Variants in ITPKB observed in about 807,000 individuals in gnomAD.
ITPKB encodes IP3 3-kinase B.
Under a neutral mutation model 69.4 loss-of-function variants are expected in ITPKB, and 13 were observed. The observed-to-expected ratio is 0.19, with a 90% CI of 0.12 to 0.30. The LOEUF (loss-of-function observed/expected upper bound fraction) is 0.30, where lower values mean the gene tolerates loss of function less well. Among genes scored for constraint, ITPKB ranks in the 10% least tolerant of loss-of-function variants. The probability of loss-of-function intolerance (pLI) is 1.00; values close to 1 mark genes in which losing one functional copy is unlikely to be tolerated. For missense variants in ITPKB, 1,240 were observed against 1,250.5 expected, an observed-to-expected ratio of 0.99 and a Z score of 0.13; for synonymous variants, 584 against 513.7, an observed-to-expected ratio of 1.14 and a Z score of -1.85.
At chr1:226,645,410 G>C (rs1026277617) in intron 4 of ITPKB, among the ~76,000 whole-genome samples, 12 of 152,222 alleles carry the variant, frequency 7.9e-5, no homozygotes, top group African/African-American at 2.9e-4. Context: ...GCGGCTGGGT[G>C]GGGGCAGCCC....
chr1:226,649,222 G>A lies in ITPKB; in HGVS notation c.1933-451C>T, dbSNP rs115733543. Among the ~76,000 whole-genome samples, 1,176 of 151,482 alleles carry A rather than the reference G, an allele frequency of 7.8e-3. 13 individuals are homozygous for A. Among genetic ancestry groups the A allele is most frequent in the African/African-American group, 0.027 (1,113 of 41,348 alleles). ...AGCCCACAGCTCTCTCCTCTGCACC[G>A]CGCTCCGCCCTCTCAGGATGTTTCT... On this transcript the variant is annotated intron_variant, in intron 2 of 7. Transcript: ENST00000429204.
rs1384289863 is a variant in ITPKB at position 226,645,127 on chromosome 1, C to G, written c.2246+2040G>C. Among the ~76,000 whole-genome samples the G allele has an allele frequency of 2.0e-5, 3 of 152,324 alleles. No individual in the cohort carries two copies. The East Asian group carries it at 5.8e-4, about 29-fold the overall frequency. ...GCTTACACTGGAACATGACCCATCT[C>G]CCAGAATGGCGGTGAGAACGCAATG... On this transcript the variant is annotated intron_variant, in intron 4 of 7. Transcript: ENST00000429204.
intron 2 of ITPKB, among the ~76,000 whole-genome samples, chr1:226,668,053 T>G (rs933953704): frequency 6.6e-6 from 1 of 152,138 alleles, no homozygotes; most frequent in African/African-American, 2.4e-5. Flanking sequence ...AAATTGTCTG[T>G]AAGGAATTTA....
chr1:226,664,522 C>A (rs1034749440), intron 2 of ITPKB, among the ~76,000 whole-genome samples: 1 of 152,238 alleles, frequency 6.6e-6, no homozygotes. Context: ...CAGACTCTCA[C>A]AATGACCACG....
At chr1:226,635,026 A>G in intron 7 of ITPKB, 140 bp from the exon 8 acceptor site, 1 of 651,680 alleles carries the variant, frequency 1.5e-6, no homozygotes, top group East Asian at 2.8e-5. Flanking sequence ...CCCCATTTTC[A>G]GACAGGCAGC....
At position 226,735,590 on chromosome 1, in the gene ITPKB, A is replaced by C. The variant is rs768009940; in HGVS notation, c.1869T>G (p.Pro623=). ...EDSEEDISSD[P]ERTLDPNSAF... ...CTGAGTTGGGGTCCAGGGTGCGCTC[A>C]GGGTCACTGGAGATGTCCTCCTCTG... is the stretch of plus-strand genomic sequence containing the variant. Residue 623 remains proline (P), a synonymous_variant, in exon 2 of 8, where the codon CCT becomes CCG. Transcript: ENST00000429204. 6.3e-7 allele frequency: 1 copy of C among 1,592,194 alleles called. No homozygotes were observed. Among genetic ancestry groups the C allele is most frequent in the Non-Finnish European group, 8.6e-7 (1 of 1,169,462 alleles).
At chr1:226,636,648 G>T (rs147287576) in intron 7 of ITPKB, among the ~76,000 whole-genome samples, 2 of 152,144 alleles carry the variant, frequency 1.3e-5, no homozygotes, top group African/African-American at 2.4e-5. Flanking sequence ...GAGTCCCTAC[G>T]AGAGGGGCTG....
chr1:226,686,912 G>C (rs535047355), intron 2 of ITPKB, among the ~76,000 whole-genome samples: 84 of 152,336 alleles, frequency 5.5e-4, no homozygotes, highest in African/African-American at 1.9e-3. Context: ...CGTGCAGGGA[G>C]AGTGAGTTAT....
At chr1:226,683,686 G>A (rs539312265) in intron 2 of ITPKB, among the ~76,000 whole-genome samples, 109 of 152,172 alleles carry the variant, frequency 7.2e-4, no homozygotes, top group African/African-American at 2.6e-3. Flanking sequence ...CCGACTTGAT[G>A]CTCCATTCTA....
chr1:226,692,404 G>T (rs536286094), intron 2 of ITPKB, among the ~76,000 whole-genome samples: 1 of 152,136 alleles, frequency 6.6e-6, no homozygotes, highest in Non-Finnish European at 1.5e-5. Context: ...ATGAAATGGC[G>T]GGAAGACATT....
Position 226,735,930 on chromosome 1 carries a change from T to A in ITPKB, c.1529A>T (p.Gln510Leu). Residue 510 changes from glutamine to leucine, a missense_variant, in exon 2 of 8, where the codon CAG (glutamine) becomes CTG (leucine). Around this residue, in one of 2 missense-constraint regions of ITPKB, gnomAD observed 992 missense variants for 853.8 expected, o/e 1.16. Transcript: ENST00000429204. ...GVQPGNSRVW[Q>L]GTMEKAGLAW... ...CAAACCGGCTTTCTCCATGGTGCCC[T>A]GCCAAACCCTGGAGTTCCCAGGCTG... 6.2e-7 allele frequency: 1 copy of A among 1,614,052 alleles called. No homozygotes were observed. Among genetic ancestry groups the A allele is most frequent in the Non-Finnish European group, 8.5e-7 (1 of 1,179,972 alleles).
chr1:226,675,835 C>T (rs2102770120), intron 2 of ITPKB, among the ~76,000 whole-genome samples: 1 of 152,336 alleles, frequency 6.6e-6, no homozygotes, highest in Non-Finnish European at 1.5e-5. Flanking sequence ...CAGCCTCTTG[C>T]TCCTCAAACG....
chr1:226,669,777 C>G (rs942914212), intron 2 of ITPKB, among the ~76,000 whole-genome samples: 1 of 151,918 alleles, frequency 6.6e-6, no homozygotes, highest in Non-Finnish European at 1.5e-5. Flanking sequence ...CAGTAGATAA[C>G]CTGGCAACAT....
At chr1:226,731,360 C>T (rs1298777185) in intron 2 of ITPKB, among the ~76,000 whole-genome samples, 1 of 152,186 alleles carries the variant, frequency 6.6e-6, no homozygotes, top group Non-Finnish European at 1.5e-5. Flanking sequence ...TATGAAATTA[C>T]AAAGAGCCTT....
rs1471549846 is a variant in ITPKB at position 226,642,154 on chromosome 1, C to T, written c.2247-29G>A. 6.3e-7 allele frequency: 1 copy of T among 1,590,318 alleles called. No individual in the cohort carries two copies. Among genetic ancestry groups the T allele is most frequent in the South Asian group, 1.1e-5 (1 of 89,388 alleles). ...CGTGGGAGGGAAGGCGACATGAGGG[C>T]CGAGGCCTGGGGCAGGGCTCACCAG... On this transcript the variant is annotated intron_variant, in intron 4 of 7. Coordinates refer to ENST00000429204, the MANE Select transcript of ITPKB (RefSeq NM_002221.4). The surrounding 1 kb of genome is among the most constrained non-coding windows in gnomAD (Gnocchi z 6.4).
chr1:226,648,498 T>C (rs1036578754), intron 3 of ITPKB, among the ~76,000 whole-genome samples, 174 bp downstream of exon 3: 3 of 152,186 alleles, frequency 2.0e-5, no homozygotes, highest in Non-Finnish European at 4.4e-5. Context: ...CCGTTGTCTA[T>C]GGCATTTACA....
chr1:226,686,791 G>A (rs1229590150), intron 2 of ITPKB, among the ~76,000 whole-genome samples: 2 of 152,244 alleles, frequency 1.3e-5, no homozygotes, highest in African/African-American at 2.4e-5. Context: ...TTTTTCCTAA[G>A]GCTTGTCCTG....
At chr1:226,694,217 A>G (rs1471828776) in intron 2 of ITPKB, among the ~76,000 whole-genome samples, 1 of 152,238 alleles carries the variant, frequency 6.6e-6, no homozygotes. Context: ...GCCATAAAGA[A>G]TGTGTTCAGA....
intron 2 of ITPKB, among the ~76,000 whole-genome samples, chr1:226,701,326 C>T (rs939824874): frequency 2.0e-5 from 3 of 152,164 alleles, no homozygotes; most frequent in Non-Finnish European, 2.9e-5. Flanking sequence ...TCACTTTGGC[C>T]GGGCGCGGTG....
Sources: gnomAD v4.1 joint callset for allele counts (sites outside exome capture counted in the v4.1 genomes callset) on GRCh38, gnomAD v4.1.1 for gene constraint, gnomAD v4.1.1 regional missense constraint, Gnocchi (gnomAD v3.1) non-coding constraint, MANE v1.5 for transcripts, NCBI Gene and HGNC (gene_info 2026-07-23, HGNC 2026-07-21) for gene names.